Variants in ENOX1 observed in about 807,000 individuals in gnomAD.
ENOX1 encodes candidate growth-related and time keeping constitutive hydroquinone (NADH) oxidase.
A neutral mutation model predicts 82.5 loss-of-function variants in ENOX1; 42 were observed. The ratio of observed to expected loss-of-function variants is 0.51; its 90% CI spans 0.40 to 0.66. The LOEUF is 0.66. Ranked by LOEUF, ENOX1 falls within the 30% of genes least tolerant of loss-of-function variation. The pLI, the probability that ENOX1 is intolerant of heterozygous loss-of-function variation, is 0.00. For synonymous variants in ENOX1, 271 were observed against 282.2 expected (o/e 0.96, Z 0.40); for missense variants, 608 against 811.6 (o/e 0.75, Z 3.05).
At chr13:43,479,509 C>G (rs895448532) in intron 3 of ENOX1, among the ~76,000 whole-genome samples, 7 of 152,188 alleles carry the variant, frequency 4.6e-5, no homozygotes, top group African/African-American at 1.7e-4. Flanking sequence ...TGCCATTTTC[C>G]TGTACTGAGT....
At chr13:43,639,376 T>C (rs897185217) in intron 2 of ENOX1, among the ~76,000 whole-genome samples, 1 of 152,084 alleles carries the variant, frequency 6.6e-6, no homozygotes, top group African/African-American at 2.4e-5. Flanking sequence ...TTAGGCAAAA[T>C]TGATTAATGA....
chr13:43,487,598 C>G (rs1265094693), intron 2 of ENOX1, among the ~76,000 whole-genome samples: 2 of 152,090 alleles, frequency 1.3e-5, no homozygotes, highest in Non-Finnish European at 2.9e-5. Flanking sequence ...AAAATGACAC[C>G]ATGGCTTTTA....
chr13:43,758,323 A>C (rs1301988072), intron 1 of ENOX1, among the ~76,000 whole-genome samples: 1 of 152,240 alleles, frequency 6.6e-6, no homozygotes. Flanking sequence ...ATAAATACAC[A>C]CAATAACTTA....
At chr13:43,633,006 C>T (rs79101571) in intron 2 of ENOX1, among the ~76,000 whole-genome samples, 1 of 152,038 alleles carries the variant, frequency 6.6e-6, no homozygotes, top group Non-Finnish European at 1.5e-5. Flanking sequence ...TTCTTTTCCT[C>T]AAAATTTTAA....
chr13:43,429,521 G>A (rs180676777), intron 3 of ENOX1, among the ~76,000 whole-genome samples: 98 of 152,160 alleles, frequency 6.4e-4, no homozygotes, highest in African/African-American at 2.2e-3. Flanking sequence ...ACTGGGATTC[G>A]GCATAAGCAT....
chr13:43,293,902 C>T (rs2153503884), intron 12 of ENOX1, among the ~76,000 whole-genome samples: 1 of 152,268 alleles, frequency 6.6e-6, no homozygotes, highest in South Asian at 2.1e-4. Flanking sequence ...GAGATTTTAA[C>T]AATGCATACA....
At chr13:43,755,393 T>C (rs982636733) in intron 1 of ENOX1, among the ~76,000 whole-genome samples, 3 of 152,168 alleles carry the variant, frequency 2.0e-5, no homozygotes, top group Non-Finnish European at 4.4e-5. Flanking sequence ...CCAGGTTGTG[T>C]CACAGTCATT....
At chr13:43,517,668 A>G (rs2077606607) in intron 2 of ENOX1, among the ~76,000 whole-genome samples, 3 of 152,148 alleles carry the variant, frequency 2.0e-5, no homozygotes, top group African/African-American at 7.2e-5. Flanking sequence ...AGTATGGGCC[A>G]GTTATCTCTG....
intron 3 of ENOX1, among the ~76,000 whole-genome samples, chr13:43,472,611 A>G (rs2058116251): frequency 6.6e-6 from 1 of 152,164 alleles, no homozygotes. Context: ...GAAAATGTGG[A>G]GCATCATATC....
intron 3 of ENOX1, among the ~76,000 whole-genome samples, chr13:43,443,803 G>A (rs1286566958): frequency 6.6e-6 from 1 of 152,198 alleles, no homozygotes; most frequent in Non-Finnish European, 1.5e-5. Flanking sequence ...ACCAGGCGAA[G>A]GAGAGGCATT....
intron 2 of ENOX1, among the ~76,000 whole-genome samples, chr13:43,593,398 T>C (rs1293848756): frequency 1.3e-5 from 2 of 151,862 alleles, no homozygotes; most frequent in African/African-American, 4.8e-5. Context: ...GGAGGGCCCT[T>C]CTAGGTCTCT....
At chr13:43,694,240 A>C (rs1008893536) in intron 1 of ENOX1, among the ~76,000 whole-genome samples, 2 of 142,662 alleles carry the variant, frequency 1.4e-5, no homozygotes, top group Admixed American at 7.0e-5. Flanking sequence ...AAAAAAAAAA[A>C]CAGAGAGAGA....
chr13:43,594,982 T>C (rs983495611), intron 2 of ENOX1, among the ~76,000 whole-genome samples: 1 of 151,630 alleles, frequency 6.6e-6, no homozygotes, highest in African/African-American at 2.4e-5. Flanking sequence ...GCTAAGAAGG[T>C]TGTCAGAAGT....
At chr13:43,465,559 A>C (rs1167986796) in intron 3 of ENOX1, among the ~76,000 whole-genome samples, 1 of 152,148 alleles carries the variant, frequency 6.6e-6, no homozygotes, top group Non-Finnish European at 1.5e-5. Flanking sequence ...GGAGGATAAT[A>C]TTTAGAAACC....
chr13:43,236,078 T>A (rs1192897876), intron 15 of ENOX1, among the ~76,000 whole-genome samples: 1 of 152,322 alleles, frequency 6.6e-6, no homozygotes, highest in East Asian at 1.9e-4. Flanking sequence ...CTGGATCCAC[T>A]GAGGATGCTT....
intron 14 of ENOX1, among the ~76,000 whole-genome samples, chr13:43,256,090 G>A (rs2043729412): frequency 6.6e-6 from 1 of 152,088 alleles, no homozygotes; most frequent in Non-Finnish European, 1.5e-5. Flanking sequence ...AGTGGTGCTA[G>A]GAAAACAGTA....
chr13:43,617,799 C>T (rs1194403727), intron 2 of ENOX1, among the ~76,000 whole-genome samples: 1 of 152,180 alleles, frequency 6.6e-6, no homozygotes, highest in Non-Finnish European at 1.5e-5. Context: ...GGAATCTCCA[C>T]ACTGTTTTCC....
At chr13:43,347,368 T>C (rs989492001) in intron 8 of ENOX1, among the ~76,000 whole-genome samples, 14 of 152,212 alleles carry the variant, frequency 9.2e-5, no homozygotes, top group Non-Finnish European at 1.6e-4. Flanking sequence ...AAGAGGAATA[T>C]AGTTTCAAAG....
chr13:43,380,691 T>C (rs1234779014), intron 5 of ENOX1, among the ~76,000 whole-genome samples: 1 of 151,320 alleles, frequency 6.6e-6, no homozygotes, highest in East Asian at 1.9e-4. Context: ...CATAAATAAG[T>C]TAAAAATAAA....
Sources: allele counts gnomAD v4.1 joint callset (sites outside exome capture counted in the v4.1 genomes callset), GRCh38; gene constraint gnomAD v4.1.1; transcripts MANE v1.5; gene names NCBI Gene and HGNC (gene_info 2026-07-23, HGNC 2026-07-21).